Variants in PRKACG observed in about 807,000 individuals in gnomAD.
The protein encoded by PRKACG is protein kinase cAMP-activated catalytic subunit gamma.
In PRKACG, 24 loss-of-function variants were observed where a neutral mutation model predicts 25.6. The ratio of observed to expected loss-of-function variants is 0.94; its 90% CI spans 0.68 to 1.32. PRKACG has a LOEUF of 1.32. Ranked by LOEUF, PRKACG falls within the 40% of genes most tolerant of loss-of-function variation. The probability of loss-of-function intolerance (pLI) is 0.00; values close to 1 mark genes in which losing one functional copy is unlikely to be tolerated. For synonymous variants in PRKACG, 202 were observed against 195.9 expected (o/e 1.03, Z -0.26); for missense variants, 481 against 462.9 (o/e 1.04, Z -0.36).
At position 69,012,692 on chromosome 9, in the gene PRKACG, T is replaced by G; in HGVS notation, c.*345A>C. 4.0e-6 allele frequency: 1 copy of G among 252,424 alleles called. No homozygotes were observed. Among genetic ancestry groups the G allele is most frequent in the Non-Finnish European group, 7.6e-6 (1 of 131,048 alleles). The allele number at this position is 252,424 out of a possible 1,614,324, so 15.6% of individuals were successfully genotyped here. On this transcript the variant is annotated 3_prime_UTR_variant, in exon 1 of 1. Coordinates refer to ENST00000377276, the MANE Select transcript of PRKACG (RefSeq NM_002732.4). ...GCTGGAGTTAAGTTTGAGCCCCTCTTTCCACACCGTGTCCCTTGATACAAC... is the reference window on the plus strand; with the variant it reads ...GCTGGAGTTAAGTTTGAGCCCCTCTGTCCACACCGTGTCCCTTGATACAAC...
rs536102786 is a variant in PRKACG, at chr9:69,013,108, CAA to C, written c.983_984del (p.Phe328Ter). The C allele has an allele frequency of 3.8e-5, 62 of 1,614,078 alleles. No individual in the cohort carries two copies. The highest frequency in any genetic ancestry group is 5.1e-5 in the Non-Finnish European group (60 of 1,180,058). ...CGGAGCTCTTCCTCCTCGTAGTCGT[CAA>C]AGTTACTGGCATCCCCAGGGCCTGT... ...KYTGPGDASN[F>X]DDYEEEELRI... On this transcript the variant is annotated frameshift_variant, in exon 1 of 1. Transcript: ENST00000377276. LOFTEE classifies it high-confidence loss of function.
In PRKACG at chr9:69,012,838, G is replaced by A. The variant is rs111390942; in HGVS notation, c.*199C>T. On this transcript the variant is annotated 3_prime_UTR_variant, in exon 1 of 1. Coordinates refer to ENST00000377276, the MANE Select transcript of PRKACG (RefSeq NM_002732.4). ...GCACAGAGGGACCAGGAAGGCATGG[G>A]GGGGGGTGAGGGAGCAGCTGGTGTT... 1.0e-5 allele frequency: 6 copies of A among 588,970 alleles called. No homozygotes were observed. The highest frequency in any genetic ancestry group is 1.8e-5 in the Non-Finnish European group (6 of 335,202). 36.5% of individuals were successfully genotyped at this position (588,970 alleles called of 1,614,324 possible). A position where few individuals can be genotyped will look rare whatever the true frequency, so the allele number is the denominator to read the frequency against.
chr9:69,012,619 A>C lies in PRKACG; in HGVS notation c.*418T>G. Reference sequence around the variant, plus strand: ...CCCAGGCAGGATTACGCCAAAGGGTAGGTGTGCTTTTCATTCATCCTCTCT... The same window carrying C: ...CCCAGGCAGGATTACGCCAAAGGGTCGGTGTGCTTTTCATTCATCCTCTCT... On this transcript the variant is annotated 3_prime_UTR_variant, in exon 1 of 1. Transcript: ENST00000377276. The C allele has an allele frequency of 5.7e-6, 1 of 176,602 alleles. No individual in the cohort carries two copies. The allele number at this position is 176,602 out of a possible 1,614,324, so 10.9% of individuals were successfully genotyped here. A position where few individuals can be genotyped will look rare whatever the true frequency, so the allele number is the denominator to read the frequency against.
rs1831305159 is a variant in PRKACG at position 69,013,860 on chromosome 9, T to C, written c.233A>G (p.Gln78Arg). 6.2e-7 allele frequency: 1 copy of C among 1,613,730 alleles called. No individual in the cohort carries two copies. The highest frequency in any genetic ancestry group is 1.1e-5 in the South Asian group (1 of 91,064). Residue 78 changes from glutamine (Q) to arginine (R), a missense_variant, in exon 1 of 1, where the codon CAG becomes CGG. Gln to Arg is a conservative substitution (Grantham distance 43, BLOSUM62 1). Coordinates refer to ENST00000377276, the MANE Select transcript of PRKACG (RefSeq NM_002732.4). The part of the protein sequence containing the change: ...GHYAMKILNK[Q>R]KVVKMKQVEH... The stretch of plus-strand genomic sequence containing the variant: ...GACCTGCTTCATCTTCACCACCTTC[T>C]GCTTGTTGAGGATCTTCATGGCGTA...
In PRKACG at chr9:69,013,333, C is replaced by G. The variant is rs1393187318; in HGVS notation, c.760G>C (p.Gly254Arg). Residue 254 changes from glycine (G) to arginine (R), a missense_variant, in exon 1 of 1, where the codon GGG becomes CGG. Gly to Arg is a moderately radical substitution (Grantham distance 125, BLOSUM62 -2). Coordinates refer to ENST00000377276, the MANE Select transcript of PRKACG (RefSeq NM_002732.4). The stretch of plus-strand genomic sequence containing the variant: ...AGTTTGGAGGGAAACCGCACCCTCC[C>G]AGAGACGATCTTCTCGTAGATCTGG... ...PIQIYEKIVS[G>R]RVRFPSKLSS... 6.2e-7 allele frequency: 1 copy of G among 1,614,106 alleles called. No individual in the cohort carries two copies. Among genetic ancestry groups the G allele is most frequent in the Non-Finnish European group, 8.5e-7 (1 of 1,180,022 alleles).
Position 69,013,299 on chromosome 9 carries a change from T to A in PRKACG, c.794A>T (p.Asp265Val), listed in dbSNP as rs1229562483. ...RVRFPSKLSS[D>V]LKHLLRSLLQ... ...CAGGCTCCGCAGCAGATGCTTGAGGTCAGAGCTGAGTTTGGAGGGAAACCG... is the reference window on the plus strand; with the variant it reads ...CAGGCTCCGCAGCAGATGCTTGAGGACAGAGCTGAGTTTGGAGGGAAACCG... Residue 265 changes from aspartate (D) to valine (V), a missense_variant, in exon 1 of 1, where the codon GAC (aspartate) becomes GTC (valine). By Grantham distance (152) the Asp-to-Val change is radical. Coordinates refer to ENST00000377276, the MANE Select transcript of PRKACG (RefSeq NM_002732.4). The A allele has an allele frequency of 5.6e-6, 9 of 1,613,906 alleles. No homozygotes were observed. Among genetic ancestry groups the A allele is most frequent in the Non-Finnish European group, 7.6e-6 (9 of 1,180,016 alleles).
rs868515566 is a variant in PRKACG, at chr9:69,013,083, C to A, written c.1010G>T (p.Arg337Leu). ...NFDDYEEEEL[R>L]ISINEKCAKE... ...GGCACACTTCTCATTGATGGAGATC[C>A]GGAGCTCTTCCTCCTCGTAGTCGTC... Residue 337 changes from arginine (R) to leucine (L), a missense_variant, in exon 1 of 1, where the codon CGG (arginine) becomes CTG (leucine). Arg to Leu is a moderately radical substitution (Grantham distance 102). Coordinates refer to ENST00000377276, the MANE Select transcript of PRKACG (RefSeq NM_002732.4). 2 of 1,614,178 alleles carry A rather than the reference C, an allele frequency of 1.2e-6. No homozygotes were observed. Among genetic ancestry groups the A allele is most frequent in the Non-Finnish European group, 8.5e-7 (1 of 1,180,040 alleles).
At position 69,013,618 on chromosome 9, in the gene PRKACG, G is replaced by GT; in HGVS notation, c.474dup (p.His159ThrfsTer73). On this transcript the variant is annotated frameshift_variant, in exon 1 of 1. Transcript: ENST00000377276. LOFTEE classifies it high-confidence loss of function. ...TCGCGGTGGATGAGGTCGAGCGAGT[G>GT]TAGGTACTGGACGGCCAGGACGACC... 6.2e-7 allele frequency: 1 copy of GT among 1,613,506 alleles called. No individual in the cohort carries two copies. Among genetic ancestry groups the GT allele is most frequent in the Non-Finnish European group, 8.5e-7 (1 of 1,179,746 alleles).
In PRKACG at chr9:69,013,385, G is replaced by A. The variant is rs763344337; in HGVS notation, c.708C>T (p.Phe236=). The stretch of plus-strand genomic sequence containing the variant: ...TGGGCTGGTCGGCGTAGAAGGGTGG[G>A]AAGCCCACGGCCATCTCATAGATGA... ...GVLIYEMAVG[F]PPFYADQPIQ... Residue 236 remains phenylalanine, a synonymous_variant, in exon 1 of 1, where the codon TTC becomes TTT. Transcript: ENST00000377276. 41 of 1,613,586 alleles carry A rather than the reference G, an allele frequency of 2.5e-5. No homozygotes were observed. The highest frequency in any genetic ancestry group is 3.1e-5 in the Non-Finnish European group (37 of 1,180,004).
At position 69,013,107 on chromosome 9, in the gene PRKACG, T is replaced by C; in HGVS notation, c.986A>G (p.Asp329Gly). ...YTGPGDASNF[D>G]DYEEEELRIS... Reference sequence around the variant, plus strand: ...CCGGAGCTCTTCCTCCTCGTAGTCGTCAAAGTTACTGGCATCCCCAGGGCC... The same window carrying C: ...CCGGAGCTCTTCCTCCTCGTAGTCGCCAAAGTTACTGGCATCCCCAGGGCC... The change falls in exon 1 of 1, where the codon GAC becomes GGC. Residue 329 changes from aspartate (D) to glycine (G), a missense_variant. Physicochemically the swap from Asp to Gly is moderately conservative, Grantham distance 94 (BLOSUM62 -1). Coordinates refer to ENST00000377276, the MANE Select transcript of PRKACG (RefSeq NM_002732.4). The C allele has an allele frequency of 6.2e-7, 1 of 1,614,216 alleles. No homozygotes were observed. Among genetic ancestry groups the C allele is most frequent in the Non-Finnish European group, 8.5e-7 (1 of 1,180,044 alleles).
In PRKACG at chr9:69,013,348, C is replaced by G; in HGVS notation, c.745G>C (p.Glu249Gln). 2 of 1,614,052 alleles carry G rather than the reference C, an allele frequency of 1.2e-6. No homozygotes were observed. Residue 249 changes from glutamate (E) to glutamine (Q), a missense_variant, in exon 1 of 1, where the codon GAG (glutamate) becomes CAG (glutamine). By Grantham distance (29) the Glu-to-Gln change is conservative (BLOSUM62 2). Transcript: ENST00000377276. Reference sequence around the variant, plus strand: ...CGCACCCTCCCAGAGACGATCTTCTCGTAGATCTGGATGGGCTGGTCGGCG... The same window carrying G: ...CGCACCCTCCCAGAGACGATCTTCTGGTAGATCTGGATGGGCTGGTCGGCG... ...FYADQPIQIYEKIVSGRVRFP... is the reference protein window; with the variant it reads ...FYADQPIQIYQKIVSGRVRFP...
At position 69,013,057 on chromosome 9, in the gene PRKACG, T is replaced by A. The variant is rs1332314852; in HGVS notation, c.1036A>T (p.Lys346Ter). 1.2e-6 allele frequency: 2 copies of A among 1,614,040 alleles called. No homozygotes were observed. Among genetic ancestry groups the A allele is most frequent in the Admixed American group, 3.3e-5 (2 of 60,000 alleles). The change falls in exon 1 of 1, where the codon AAG becomes TAG. Residue 346 changes from lysine to a stop codon, truncating the protein, a stop_gained. Transcript: ENST00000377276. LOFTEE classifies it high-confidence loss of function. ...LRISINEKCA[K>*]EFSEF is the part of the protein sequence containing the mutation. ...CACCCCTAAAACTCAGAAAACTCCTTGGCACACTTCTCATTGATGGAGATC... is the reference window on the plus strand; with the variant it reads ...CACCCCTAAAACTCAGAAAACTCCTAGGCACACTTCTCATTGATGGAGATC...
Position 69,013,278 on chromosome 9 carries a change from C to T in PRKACG, c.815G>A (p.Ser272Asn), listed in dbSNP as rs1335963487. 3.7e-6 allele frequency: 6 copies of T among 1,614,154 alleles called. No individual in the cohort carries two copies. Among genetic ancestry groups the T allele is most frequent in the African/African-American group, 1.3e-5 (1 of 75,036 alleles). The part of the protein sequence containing the change: ...LSSDLKHLLR[S>N]LLQVDLTKRF... The stretch of plus-strand genomic sequence containing the variant: ...CTTGGTGAGGTCCACCTGCAGCAGG[C>T]TCCGCAGCAGATGCTTGAGGTCAGA... Residue 272 changes from serine (S) to asparagine (N), a missense_variant, in exon 1 of 1, where the codon AGC becomes AAC. By Grantham distance (46) the Ser-to-Asn change is conservative. Coordinates refer to ENST00000377276, the MANE Select transcript of PRKACG (RefSeq NM_002732.4).
rs1417693196 is a variant in PRKACG, at chr9:69,013,828, T to A, written c.265A>T (p.Ile89Leu). 3.7e-6 allele frequency: 6 copies of A among 1,613,720 alleles called. No individual in the cohort carries two copies. The highest frequency in any genetic ancestry group is 1.3e-5 in the African/African-American group (1 of 74,830). Reference protein sequence around the residue: ...KVVKMKQVEHILNEKRILQAI... With the variant: ...KVVKMKQVEHLLNEKRILQAI... ...TGCAGGATGCGCTTCTCGTTCAGTA[T>A]GTGCTCGACCTGCTTCATCTTCACC... Residue 89 changes from isoleucine (I) to leucine (L), a missense_variant, in exon 1 of 1, where the codon ATA becomes TTA. Coordinates refer to ENST00000377276, the MANE Select transcript of PRKACG (RefSeq NM_002732.4).
rs149213270 is a variant in PRKACG at position 69,013,560 on chromosome 9, T to C, written c.533A>G (p.Gln178Arg). ...LKPENLLIDQ[Q>R]GYLQVTDFGF... ...GAAGTCCGTCACCTGCAGGTAGCCC[T>C]GCTGGTCGATGAGGAGATTCTCGGG... is the stretch of plus-strand genomic sequence containing the variant. The change falls in exon 1 of 1, where the codon CAG (glutamine) becomes CGG (arginine). Residue 178 changes from glutamine to arginine, a missense_variant. Transcript: ENST00000377276. 1.2e-6 allele frequency: 2 copies of C among 1,613,686 alleles called. No homozygotes were observed. Among genetic ancestry groups the C allele is most frequent in the Non-Finnish European group, 1.7e-6 (2 of 1,179,810 alleles).
rs754741305 is a variant in PRKACG at position 69,013,204 on chromosome 9, A to C, written c.889T>G (p.Trp297Gly). 6.2e-7 allele frequency: 1 copy of C among 1,613,980 alleles called. No individual in the cohort carries two copies. Among genetic ancestry groups the C allele is most frequent in the Non-Finnish European group, 8.5e-7 (1 of 1,179,978 alleles). The change falls in exon 1 of 1, where the codon TGG (tryptophan) becomes GGG (glycine). Residue 297 changes from tryptophan to glycine, a missense_variant. Transcript: ENST00000377276. ...GCGATCCAGCTGGTTGTGGCGAACC[A>C]CTTGTGGTTCTTGATGTCGCCAACC... ...NGVGDIKNHK[W>G]FATTSWIAIY...
Position 69,012,800 on chromosome 9 carries a change from G to T in PRKACG, c.*237C>A. Reference sequence around the variant, plus strand: ...TGGGGCAAGGGGGACCCTGTGGGAGGAGAAAGAGAGAAGCACAGAGGGACC... The same window carrying T: ...TGGGGCAAGGGGGACCCTGTGGGAGTAGAAAGAGAGAAGCACAGAGGGACC... On this transcript the variant is annotated 3_prime_UTR_variant, in exon 1 of 1. Coordinates refer to ENST00000377276, the MANE Select transcript of PRKACG (RefSeq NM_002732.4). The T allele has an allele frequency of 1.9e-6, 1 of 533,278 alleles. No homozygotes were observed. Among genetic ancestry groups the T allele is most frequent in the Non-Finnish European group, 3.3e-6 (1 of 300,788 alleles). The allele number at this position is 533,278 out of a possible 1,614,324, so 33.0% of individuals were successfully genotyped here. A position where few individuals can be genotyped will look rare whatever the true frequency, so the allele number is the denominator to read the frequency against.
Position 69,013,792 on chromosome 9 carries a change from A to ACT in PRKACG, c.300_301insAG (p.Phe101SerfsTer21). 6.2e-7 allele frequency: 1 copy of ACT among 1,613,922 alleles called. No homozygotes were observed. The highest frequency in any genetic ancestry group is 8.5e-7 in the Non-Finnish European group (1 of 1,180,004). ...AACTGGAGCTTGACGAGGAACGGAA[A>ACT]GTCGATCGCCTGCAGGATGCGCTTC... On this transcript the variant is annotated frameshift_variant, in exon 1 of 1. Coordinates refer to ENST00000377276, the MANE Select transcript of PRKACG (RefSeq NM_002732.4). LOFTEE classifies it high-confidence loss of function.
rs910398907 is a variant in PRKACG at position 69,012,842 on chromosome 9, G to GA, written c.*194_*195insT. 1 of 594,450 alleles carries GA rather than the reference G, an allele frequency of 1.7e-6. No homozygotes were observed. Among genetic ancestry groups the GA allele is most frequent in the Non-Finnish European group, 2.9e-6 (1 of 339,054 alleles). The allele number at this position is 594,450 out of a possible 1,614,324, so 36.8% of individuals were successfully genotyped here. A position where few individuals can be genotyped will look rare whatever the true frequency, so the allele number is the denominator to read the frequency against. On this transcript the variant is annotated 3_prime_UTR_variant, in exon 1 of 1. Transcript: ENST00000377276. ...AGAGGGACCAGGAAGGCATGGGGGG[G>GA]GGTGAGGGAGCAGCTGGTGTTTCTG... is the stretch of plus-strand genomic sequence containing the variant.
Sources: gnomAD v4.1 joint callset for allele counts on GRCh38, gnomAD v4.1.1 for gene constraint, MANE v1.5 for transcripts, NCBI Gene and HGNC (gene_info 2026-07-23, HGNC 2026-07-21) for gene names.